Variants in ABHD12 observed in about 807,000 individuals in gnomAD.
ABHD12 encodes lysophosphatidylserine lipase ABHD12.
Under a neutral mutation model 58.3 loss-of-function variants are expected in ABHD12, and 43 were observed. The ratio of observed to expected loss-of-function variants is 0.74; its 90% CI spans 0.58 to 0.95. The LOEUF (loss-of-function observed/expected upper bound fraction) is 0.95. Among genes scored for constraint, ABHD12 ranks in the 40% least tolerant of loss-of-function variants. The pLI, the probability that ABHD12 is intolerant of heterozygous loss-of-function variation, is 0.00. For missense variants in ABHD12, 539 were observed against 537.2 expected, an observed-to-expected ratio of 1.00 and a Z score of -0.03; for synonymous variants, 219 against 211.2, an observed-to-expected ratio of 1.04 and a Z score of -0.32.
At chr20:25,312,591 C>T (rs1471986889) in intron 6 of ABHD12, among the ~76,000 whole-genome samples, 1 of 152,124 alleles carries the variant, frequency 6.6e-6, no homozygotes, top group Admixed American at 6.5e-5. Context: ...AGCCTCTGCC[C>T]GGCCGCCACC....
rs1300481207 is a variant in ABHD12, at chr20:25,303,156, TC to T, written c.1029+393del. 4 of 1,009,968 alleles carry T rather than the reference TC, an allele frequency of 4.0e-6. No homozygotes were observed. In the African/African-American group the frequency reaches 6.7e-5, roughly 17 times the overall value. The allele number at this position is 1,009,968 out of a possible 1,614,324, so 62.6% of individuals were successfully genotyped here. ...TGACCCCTGCAATGGGCTTGGGAGA[TC>T]CTCATCAAGGGGTTCTTTGCCTTCA... On this transcript the variant is annotated intron_variant, in intron 11 of 12. Coordinates refer to ENST00000339157, the MANE Select transcript of ABHD12 (RefSeq NM_001042472.3).
chr20:25,309,715 C>T (rs1443723802), intron 6 of ABHD12, 140 bp from the exon 7 acceptor site: 2 of 1,226,714 alleles, frequency 1.6e-6, no homozygotes, highest in Non-Finnish European at 2.3e-6. Flanking sequence ...TCCACAGACC[C>T]ACCCAGGCCA....
chr20:25,330,087 C>A (rs551537340), intron 2 of ABHD12, among the ~76,000 whole-genome samples: 9 of 152,208 alleles, frequency 5.9e-5, no homozygotes, highest in Admixed American at 5.2e-4. Flanking sequence ...AGACAGTGGG[C>A]GCAGGTCAGT....
chr20:25,337,368 G>C (rs2500438), intron 2 of ABHD12, among the ~76,000 whole-genome samples: 3,808 of 152,300 alleles, frequency 0.025, 147 homozygotes, highest in African/African-American at 0.083. Context: ...AACACCTTGG[G>C]AGGCTCAGCC....
intron 9 of ABHD12, among the ~76,000 whole-genome samples, chr20:25,307,372 G>T (rs920107185): frequency 2.8e-4 from 42 of 152,400 alleles, no homozygotes; most frequent in African/African-American, 1.0e-3. Flanking sequence ...CATGAGGCCA[G>T]CATGGGCTGA....
chr20:25,383,082 C>A (rs145504040), intron 1 of ABHD12, among the ~76,000 whole-genome samples: 5 of 152,092 alleles, frequency 3.3e-5, no homozygotes, highest in Non-Finnish European at 5.9e-5. Context: ...GCTCAGAACT[C>A]GCTCCCATCT....
rs544057811 is a variant in ABHD12, at chr20:25,352,541, C to T, written c.192-13190G>A. Among the ~76,000 whole-genome samples, 190 of 151,894 alleles carry T rather than the reference C, an allele frequency of 1.3e-3. 1 individual carries two copies. Among genetic ancestry groups the T allele is most frequent in the African/African-American group, 4.3e-3 (179 of 41,386 alleles). On this transcript the variant is annotated intron_variant, in intron 1 of 12. Coordinates refer to ENST00000339157, the MANE Select transcript of ABHD12 (RefSeq NM_001042472.3). ...CTGACCTCAGGTGATCTACCCACCT[C>T]GGCCTCCCAAAGTGCTGGGATTACA...
intron 10 of ABHD12, among the ~76,000 whole-genome samples, chr20:25,306,123 C>T (rs546775867): frequency 1.1e-4 from 17 of 151,066 alleles, no homozygotes; most frequent in African/African-American, 2.4e-4. Context: ...GCTGAGATCA[C>T]GCCACTGCAC....
chr20:25,375,495 GCT>G (rs1237970232), intron 1 of ABHD12, among the ~76,000 whole-genome samples: 1 of 152,096 alleles, frequency 6.6e-6, no homozygotes, highest in Admixed American at 6.6e-5. Flanking sequence ...TCTCTGTGTT[GCT>G]CTCTCCTCTC....
intron 2 of ABHD12, among the ~76,000 whole-genome samples, chr20:25,329,661 C>G (rs1475694610): frequency 1.3e-5 from 2 of 152,180 alleles, no homozygotes; most frequent in East Asian, 3.8e-4. Context: ...CTGTGATGGT[C>G]TTTGAGTGCT....
At chr20:25,389,013 T>C (rs1284084380) in intron 1 of ABHD12, among the ~76,000 whole-genome samples, 1 of 151,964 alleles carries the variant, frequency 6.6e-6, no homozygotes, top group Non-Finnish European at 1.5e-5. Context: ...TCCATGTTGG[T>C]CAAGCTGGTC....
intron 1 of ABHD12, among the ~76,000 whole-genome samples, chr20:25,388,349 A>C (rs1455188638): frequency 2.0e-5 from 3 of 152,156 alleles, no homozygotes; most frequent in Non-Finnish European, 2.9e-5. Context: ...GGTACTGGAG[A>C]TACTTAAGTG....
chr20:25,312,622 G>A (rs898202469), intron 6 of ABHD12, among the ~76,000 whole-genome samples: 2 of 151,860 alleles, frequency 1.3e-5, no homozygotes, highest in African/African-American at 4.8e-5. Flanking sequence ...AGTGAGGAGC[G>A]TCTCCGCCTG....
chr20:25,298,986 A>G (rs1486669044), downstream of ABHD12, among the ~76,000 whole-genome samples: 2 of 152,260 alleles, frequency 1.3e-5, no homozygotes, highest in African/African-American at 2.4e-5. Flanking sequence ...TGCTTGGACA[A>G]CTGAGCTCAG....
rs534274038 is a variant in ABHD12, at chr20:25,320,385, C to T, written c.423-67G>A. 20 of 1,602,478 alleles carry T rather than the reference C, an allele frequency of 1.2e-5. No individual in the cohort carries two copies. In the East Asian group the frequency reaches 2.0e-4, roughly 16 times the overall value. On this transcript the variant is annotated intron_variant, in intron 3 of 12. Transcript: ENST00000339157. ...TTCTGTCCTCATCCTGGCGACTGCACGTGGTGTTACTTAATCAGCTCAAGT... is the reference window on the plus strand; with the variant it reads ...TTCTGTCCTCATCCTGGCGACTGCATGTGGTGTTACTTAATCAGCTCAAGT...
chr20:25,300,200 CAG>C (rs1344264321), downstream of ABHD12: 4 of 995,960 alleles, frequency 4.0e-6, no homozygotes, highest in Admixed American at 5.4e-5. Context: ...TCTCGCGCTG[CAG>C]AGAGACAAAA....
chr20:25,377,912 G>A (rs566830389), intron 1 of ABHD12, among the ~76,000 whole-genome samples: 1 of 152,104 alleles, frequency 6.6e-6, no homozygotes, highest in Non-Finnish European at 1.5e-5. Flanking sequence ...TGGCCAGGAT[G>A]GTCTTGATCT....
intron 1 of ABHD12, among the ~76,000 whole-genome samples, chr20:25,388,487 A>G (rs988001125): frequency 2.0e-5 from 3 of 152,208 alleles, no homozygotes; most frequent in Non-Finnish European, 4.4e-5. Flanking sequence ...GGCCTCAGTG[A>G]GGAGGAGGTG....
chr20:25,345,910 A>G (rs1341258624), intron 1 of ABHD12, among the ~76,000 whole-genome samples: 1 of 152,206 alleles, frequency 6.6e-6, no homozygotes, highest in Non-Finnish European at 1.5e-5. Flanking sequence ...TATTCTTACT[A>G]TATGATCCAG....
Sources: gnomAD v4.1 joint callset for allele counts (sites outside exome capture counted in the v4.1 genomes callset) on GRCh38, gnomAD v4.1.1 for gene constraint, MANE v1.5 for transcripts, NCBI Gene and HGNC (gene_info 2026-07-23, HGNC 2026-07-21) for gene names.